The following SATB2 variants were observed in gnomAD, a reference collection of about 807,000 sequenced individuals.
The protein encoded by SATB2 is SATB homeobox 2.
A neutral mutation model predicts 73.4 loss-of-function variants in SATB2; 1 was observed. The ratio of observed to expected loss-of-function variants is 0.01; its 90% confidence interval spans 0.00 to 0.06. The LOEUF is 0.06. Ranked by LOEUF, SATB2 falls within the 10% of genes least tolerant of loss-of-function variation. The probability of loss-of-function intolerance (pLI) is 1.00; values close to 1 mark genes in which losing one functional copy is unlikely to be tolerated. For synonymous variants in SATB2, 397 were observed against 367.0 expected, an observed-to-expected ratio of 1.08 and a Z score of -0.93; for missense variants, 459 against 945.8, an observed-to-expected ratio of 0.49 and a Z score of 6.75.
intron 10 of SATB2, among the ~76,000 whole-genome samples, chr2:199,298,439 T>C (rs889458535): frequency 1.3e-5 from 2 of 152,168 alleles, no homozygotes; most frequent in African/African-American, 4.8e-5. Flanking sequence ...ACTACTTAAG[T>C]ATTTTTTAAA....
intron 6 of SATB2, among the ~76,000 whole-genome samples, chr2:199,355,015 A>G (rs891031425): frequency 1.3e-5 from 2 of 152,068 alleles, no homozygotes; most frequent in Non-Finnish European, 2.9e-5. Flanking sequence ...CTGCATTACA[A>G]TTAAAAGGTA....
chr2:199,290,042 C>A (rs1333449475), intron 10 of SATB2, among the ~76,000 whole-genome samples: 1 of 152,226 alleles, frequency 6.6e-6, no homozygotes, highest in Non-Finnish European at 1.5e-5. Context: ...GGCCCCGTAA[C>A]CTCACTGCAG....
At chr2:199,422,092 T>C (rs1691188637) in intron 3 of SATB2, among the ~76,000 whole-genome samples, 1 of 152,184 alleles carries the variant, frequency 6.6e-6, no homozygotes, top group Non-Finnish European at 1.5e-5. Context: ...GGTTACGTAG[T>C]ATTAAAATTA....
chr2:199,416,374 A>G (rs903225920), intron 3 of SATB2, among the ~76,000 whole-genome samples: 2 of 152,232 alleles, frequency 1.3e-5, no homozygotes, highest in Admixed American at 1.3e-4. Flanking sequence ...CTTCGTAATT[A>G]CACTTTTCTT....
intron 3 of SATB2, among the ~76,000 whole-genome samples, chr2:199,389,808 T>C (rs1690076530): frequency 6.6e-6 from 1 of 152,190 alleles, no homozygotes; most frequent in South Asian, 2.1e-4. Flanking sequence ...TTTAGAGTAC[T>C]TTCTGAATAA....
chr2:199,319,572 G>A (rs751994481), intron 9 of SATB2, among the ~76,000 whole-genome samples: 8 of 152,014 alleles, frequency 5.3e-5, no homozygotes, highest in Non-Finnish European at 1.0e-4. Flanking sequence ...CAGCCCTTCG[G>A]AAGTTTTTGT....
chr2:199,272,186 T>C lies in SATB2; in HGVS notation c.*25A>G. 1 of 1,599,776 alleles carries C rather than the reference T, an allele frequency of 6.3e-7. No individual in the cohort carries two copies. The highest frequency in any genetic ancestry group is 8.6e-7 in the Non-Finnish European group (1 of 1,167,450). On this transcript the variant is annotated 3_prime_UTR_variant, in exon 11 of 11. Coordinates refer to ENST00000417098, the MANE Select transcript of SATB2 (RefSeq NM_001172509.2). This position sits in a 1 kb window ranked among gnomAD's most constrained non-coding sequence, Gnocchi z 6.7. ...AGCAGAAAATCCTTGGACCGATGTA[T>C]TGCTTTGCCTAGTAGAAGTTCACAT...
At position 199,442,754 on chromosome 2, in the gene SATB2, ATAAT is replaced by A. The variant is rs531368879; in HGVS notation, c.170-9244_170-9241del. Among the ~76,000 whole-genome samples, 3 of 152,268 alleles carry A rather than the reference ATAAT, an allele frequency of 2.0e-5. 1 individual carries two copies. The highest frequency in any genetic ancestry group is 2.0e-4 in the Admixed American group (3 of 15,286). On this transcript the variant is annotated intron_variant, in intron 2 of 10. Transcript: ENST00000417098. ...AGAGCCAGATCCATCTCTAAAATAA[ATAAT>A]TAAATAACTTTTAAAAATAGAAAGG...
chr2:199,335,302 T>G (rs1688306609), intron 7 of SATB2, among the ~76,000 whole-genome samples: 1 of 152,184 alleles, frequency 6.6e-6, no homozygotes, highest in Non-Finnish European at 1.5e-5. Context: ...AATTAATGTA[T>G]TCTGCAAATA....
chr2:199,287,780 TCTTA>T (rs1004140276), intron 10 of SATB2, among the ~76,000 whole-genome samples: 1 of 152,178 alleles, frequency 6.6e-6, no homozygotes, highest in African/African-American at 2.4e-5. Context: ...CTTTTGTTTT[TCTTA>T]CTTCTTAAAA....
At chr2:199,424,859 T>C (rs1691279489) in intron 3 of SATB2, among the ~76,000 whole-genome samples, 1 of 152,068 alleles carries the variant, frequency 6.6e-6, no homozygotes, top group Admixed American at 6.6e-5. Context: ...AAACTAGGAG[T>C]TATATCAATG....
intron 6 of SATB2, among the ~76,000 whole-genome samples, chr2:199,364,884 A>C (rs1047138930): frequency 6.6e-6 from 1 of 152,118 alleles, no homozygotes; most frequent in African/African-American, 2.4e-5. Context: ...TTTTTATTAT[A>C]TCCCCCCAAA....
At chr2:199,361,752 C>T (rs1462281991) in intron 6 of SATB2, among the ~76,000 whole-genome samples, 3 of 151,218 alleles carry the variant, frequency 2.0e-5, no homozygotes, top group African/African-American at 7.3e-5. Context: ...AGGTCCCAAC[C>T]ATTTCTTTTT....
At chr2:199,298,562 T>A (rs1011928136) in intron 10 of SATB2, among the ~76,000 whole-genome samples, 1 of 152,204 alleles carries the variant, frequency 6.6e-6, no homozygotes, top group South Asian at 2.1e-4. Flanking sequence ...ACTGTATTAG[T>A]ATGTATTTGT....
At position 199,315,749 on chromosome 2, in the gene SATB2, G is replaced by C. The variant is rs74501397; in HGVS notation, c.1543-6792C>G. 6.2e-3 allele frequency among the ~76,000 whole-genome samples: 940 copies of C among 152,104 alleles called. 14 individuals carry two copies. The highest frequency in any genetic ancestry group is 0.021 in the African/African-American group (879 of 41,460). On this transcript the variant is annotated intron_variant, in intron 9 of 10. Coordinates refer to ENST00000417098, the MANE Select transcript of SATB2 (RefSeq NM_001172509.2). ...CATAGCCTGCTCTGATCTCCCACAAGAGTTAATAACTTTACCCCTGTTGAA... is the reference window on the plus strand; with the variant it reads ...CATAGCCTGCTCTGATCTCCCACAACAGTTAATAACTTTACCCCTGTTGAA...
chr2:199,440,014 G>A (rs1417271875), intron 2 of SATB2, among the ~76,000 whole-genome samples: 1 of 152,116 alleles, frequency 6.6e-6, no homozygotes, highest in African/African-American at 2.4e-5. Flanking sequence ...CTGAGGGCAG[G>A]AGAATGGCTT....
chr2:199,278,275 C>T (rs571187193), intron 10 of SATB2, among the ~76,000 whole-genome samples: 7 of 152,244 alleles, frequency 4.6e-5, no homozygotes, highest in Admixed American at 1.3e-4. Context: ...ATTGCAAAAC[C>T]GCAAGAAAGT....
At chr2:199,313,684 T>A (rs983720123) in intron 9 of SATB2, among the ~76,000 whole-genome samples, 5 of 152,214 alleles carry the variant, frequency 3.3e-5, no homozygotes, top group Admixed American at 3.3e-4. Flanking sequence ...GTAAATGTAT[T>A]AGACATGCTT....
At chr2:199,467,152 G>A (rs979906062), upstream of SATB2, among the ~76,000 whole-genome samples, 11 of 152,238 alleles carry the variant, frequency 7.2e-5, no homozygotes, top group African/African-American at 1.7e-4. Flanking sequence ...CAGGTCTCCC[G>A]GCCAGACTCA....
Sources: allele counts gnomAD v4.1 joint callset (sites outside exome capture counted in the v4.1 genomes callset), GRCh38; gene constraint gnomAD v4.1.1; non-coding constraint Gnocchi (gnomAD v3.1); transcripts MANE v1.5; gene names NCBI Gene and HGNC (gene_info 2026-07-23, HGNC 2026-07-21).